RC3H2: variants seen among roughly 807,000 people sequenced by gnomAD.
RC3H2 encodes roquin-2.
Under a neutral mutation model 133.3 loss-of-function variants are expected in RC3H2, and 31 were observed. The observed-to-expected ratio is 0.23, with a 90% CI of 0.17 to 0.31. RC3H2 has a LOEUF of 0.31. Among genes scored for constraint, RC3H2 ranks in the 10% least tolerant of loss-of-function variants. RC3H2 has a pLI of 1.00. For missense variants in RC3H2, 1,175 were observed against 1,437.2 expected (o/e 0.82, Z 2.95); for synonymous variants, 517 against 502.2 (o/e 1.03, Z -0.40).
rs756554874 is a variant in RC3H2 at position 122,849,658 on chromosome 9, GGTTTTA to G, written c.3539_3544del (p.Leu1180_Pro1182delinsSer). On this transcript the variant is annotated inframe_deletion, in exon 21 of 21. Transcript: ENST00000357244. ...GTTAACCATCTTCCCATTTGCAACAGGTTTTAAAAAGTCGTTTTTATCTTCAGACAT... is the reference window on the plus strand; with the variant it reads ...GTTAACCATCTTCCCATTTGCAACAGAAAAGTCGTTTTTATCTTCAGACAT... 6.2e-7 allele frequency: 1 copy of G among 1,613,128 alleles called. No homozygotes were observed. Among genetic ancestry groups the G allele is most frequent in the South Asian group, 1.1e-5 (1 of 90,992 alleles).
At chr9:122,898,697 C>T (rs377111637) in intron 1 of RC3H2, among the ~76,000 whole-genome samples, 3 of 146,866 alleles carry the variant, frequency 2.0e-5, no homozygotes, top group South Asian at 2.1e-4. Context: ...TGCAGTGAGC[C>T]GAGATCACGT....
intron 1 of RC3H2, among the ~76,000 whole-genome samples, chr9:122,904,809 G>A (rs1345834664): frequency 6.6e-6 from 1 of 152,200 alleles, no homozygotes; most frequent in African/African-American, 2.4e-5. Context: ...AAGGGAGAGT[G>A]AAGCCGGGCC....
chr9:122,849,876 A>G, intron 20 of RC3H2, 54 bp from the exon 21 acceptor site: 1 of 1,257,246 alleles, frequency 8.0e-7, no homozygotes, highest in Non-Finnish European at 1.1e-6. Context: ...GCAAACTGTT[A>G]AGGGTGACTA....
rs751620005 is a variant in RC3H2, at chr9:122,880,733, T to C, written c.821A>G (p.Glu274Gly). The change falls in exon 6 of 21, where the codon GAA (glutamate) becomes GGA (glycine). Residue 274 changes from glutamate (E) to glycine (G), a missense_variant. By Grantham distance (98) the Glu-to-Gly change is moderately conservative (BLOSUM62 -2). Transcript: ENST00000357244. ...MQLKEEFRSYEALRREHDAQI... is the reference protein window; with the variant it reads ...MQLKEEFRSYGALRREHDAQI... ...GGCATCATGTTCTCTGCGTAATGCTTCATAACTCCGAAATTCCTCCTTCAG... is the reference window on the plus strand; with the variant it reads ...GGCATCATGTTCTCTGCGTAATGCTCCATAACTCCGAAATTCCTCCTTCAG... 1.2e-6 allele frequency: 2 copies of C among 1,613,950 alleles called. No individual in the cohort carries two copies. The highest frequency in any genetic ancestry group is 1.7e-6 in the Non-Finnish European group (2 of 1,179,938).
rs201851354 is a variant in RC3H2, at chr9:122,859,094, G to A, written c.1858C>T (p.Pro620Ser). The change falls in exon 12 of 21, where the codon CCA (proline) becomes TCA (serine). Residue 620 changes from proline to serine, a missense_variant. Transcript: ENST00000357244. The part of the protein sequence containing the change: ...VPQYPQTGYY[P>S]PPPTVPAGVA... ...CCAGCTGGTACCGTTGGAGGTGGTG[G>A]ATAGTATCCTTGAAAATTGGAAAGA... 71 of 1,550,618 alleles carry A rather than the reference G, an allele frequency of 4.6e-5. No homozygotes were observed. Among genetic ancestry groups the A allele is most frequent in the Non-Finnish European group, 8.7e-6 (10 of 1,149,124 alleles).
intron 20 of RC3H2, among the ~76,000 whole-genome samples, chr9:122,850,521 CTG>C (rs1829982497): frequency 6.6e-6 from 1 of 151,894 alleles, no homozygotes; most frequent in Non-Finnish European, 1.5e-5. Flanking sequence ...TCTTGGCTCA[CTG>C]TCTCCGCCTC....
chr9:122,870,747 A>G (rs1453300714), intron 9 of RC3H2, among the ~76,000 whole-genome samples: 1 of 152,088 alleles, frequency 6.6e-6, no homozygotes, highest in Non-Finnish European at 1.5e-5. Context: ...CTTCTTACCC[A>G]TCTTAGAATC....
At chr9:122,861,436 G>C (rs1830450756) in intron 10 of RC3H2, among the ~76,000 whole-genome samples, 1 of 147,236 alleles carries the variant, frequency 6.8e-6, no homozygotes, top group Non-Finnish European at 1.5e-5. Flanking sequence ...GTTGTGGTGA[G>C]CCGAGATCAC....
intron 4 of RC3H2, among the ~76,000 whole-genome samples, chr9:122,886,041 C>T (rs896039664): frequency 7.9e-5 from 12 of 152,158 alleles, no homozygotes; most frequent in South Asian, 2.1e-4. Flanking sequence ...GTGTGCACCA[C>T]CATGCCCAGC....
intron 18 of RC3H2, chr9:122,853,683 C>T: frequency 1.3e-6 from 1 of 767,326 alleles, no homozygotes; most frequent in East Asian, 3.0e-5. Context: ...ACCTGAGAGC[C>T]AGAGGCTGCA....
chr9:122,866,482 C>T (rs535185656), intron 9 of RC3H2, among the ~76,000 whole-genome samples: 144 of 151,426 alleles, frequency 9.5e-4, no homozygotes, highest in African/African-American at 3.3e-3. Flanking sequence ...CTGCTGCCAT[C>T]TCGGCTCACT....
intron 1 of RC3H2, among the ~76,000 whole-genome samples, chr9:122,901,928 C>CTTTT (rs542589870): frequency 1.7e-5 from 2 of 116,878 alleles, no homozygotes; most frequent in East Asian, 5.0e-4. Flanking sequence ...ATAACTACTT[C>CTTTT]TTTTTTTTTT....
At position 122,889,458 on chromosome 9, in the gene RC3H2, TAA is replaced by T. The variant is rs575251561; in HGVS notation, c.583+852_583+853del. ...ATCTAGTTGTCCCAACATCACTTAT[TAA>T]AAGTTTCCTTTCCAAAAATAAATTC... On this transcript the variant is annotated intron_variant, in intron 4 of 20. Transcript: ENST00000357244. Among the ~76,000 whole-genome samples, 4 of 152,308 alleles carry T rather than the reference TAA, an allele frequency of 2.6e-5. No homozygotes were observed. In the South Asian group the frequency reaches 8.3e-4, roughly 32 times the overall value.
At chr9:122,856,005 C>T (rs1381078592) in intron 13 of RC3H2, 127 bp from the exon 14 acceptor site, 7 of 656,694 alleles carry the variant, frequency 1.1e-5, no homozygotes, top group Non-Finnish European at 1.6e-5. Context: ...TTTTCAATAA[C>T]TAATATAAAA....
At chr9:122,867,786 G>A (rs1305054716) in intron 9 of RC3H2, among the ~76,000 whole-genome samples, 10 of 102,414 alleles carry the variant, frequency 9.8e-5, no homozygotes, top group East Asian at 7.0e-4. Flanking sequence ...CCCTCCGCCC[G>A]GCAACCGCCC....
At chr9:122,860,828 AG>A (rs536766613) in intron 10 of RC3H2, among the ~76,000 whole-genome samples, 143 of 152,300 alleles carry the variant, frequency 9.4e-4, no homozygotes, top group South Asian at 1.7e-3. Flanking sequence ...GAACTATTTG[AG>A]ACAAAGAAAA....
chr9:122,884,073 T>C (rs1018362733), intron 4 of RC3H2, among the ~76,000 whole-genome samples: 1 of 152,044 alleles, frequency 6.6e-6, no homozygotes, highest in African/African-American at 2.4e-5. Context: ...GGCGGGCGGA[T>C]CACCAGGTCA....
intron 9 of RC3H2, chr9:122,874,899 G>A: frequency 3.1e-6 from 1 of 324,218 alleles, no homozygotes. Context: ...TGCAGATGAA[G>A]AATGTGAAGT....
chr9:122,867,899 G>T (rs1205997396), intron 9 of RC3H2, among the ~76,000 whole-genome samples: 5 of 53,100 alleles, frequency 9.4e-5, no homozygotes, highest in Non-Finnish European at 9.3e-5. Context: ...AGGTGGGGGG[G>T]TCAGCCCCCC....
Sources: gnomAD v4.1 joint callset for allele counts (sites outside exome capture counted in the v4.1 genomes callset) on GRCh38, gnomAD v4.1.1 for gene constraint, MANE v1.5 for transcripts, NCBI Gene and HGNC (gene_info 2026-07-23, HGNC 2026-07-21) for gene names.